The following SP4 variants were observed in gnomAD, a reference collection of about 807,000 sequenced individuals.
SP4 encodes transcription factor Sp4.
A neutral mutation model predicts 72.8 loss-of-function variants in SP4; 19 were observed. The ratio of observed to expected loss-of-function variants is 0.26; its 90% confidence interval spans 0.18 to 0.38. The LOEUF (loss-of-function observed/expected upper bound fraction) is 0.38, where lower values mean the gene tolerates loss of function less well. Among genes scored for constraint, SP4 ranks in the 10% least tolerant of loss-of-function variants. The probability of loss-of-function intolerance (pLI) is 1.00; values close to 1 mark genes in which losing one functional copy is unlikely to be tolerated. For synonymous variants in SP4, 395 were observed against 333.1 expected, an observed-to-expected ratio of 1.19 and a Z score of -2.02; for missense variants, 1,008 against 926.3, an observed-to-expected ratio of 1.09 and a Z score of -1.14.
At chr7:21,451,614 C>G (rs995566529) in intron 3 of SP4, among the ~76,000 whole-genome samples, 1 of 152,046 alleles carries the variant, frequency 6.6e-6, no homozygotes, top group Admixed American at 6.6e-5. Context: ...CAGCCAGGTC[C>G]AAGGGAGACA....
chr7:21,440,886 A>ACAG (rs376155260), intron 3 of SP4, among the ~76,000 whole-genome samples: 3 of 16,914 alleles, frequency 1.8e-4, no homozygotes, highest in Admixed American at 6.3e-4. Flanking sequence ...AACAACAACA[A>ACAG]CAGCAGCAAA....
intron 5 of SP4, chr7:21,482,491 C>G (rs1359340867): frequency 1.3e-5 from 3 of 226,600 alleles, no homozygotes; most frequent in Admixed American, 6.7e-5. Context: ...TTTTTTTTTT[C>G]TTAACAAATC....
intron 3 of SP4, among the ~76,000 whole-genome samples, chr7:21,433,149 T>G (rs1782921554): frequency 6.6e-6 from 1 of 152,174 alleles, no homozygotes; most frequent in Non-Finnish European, 1.5e-5. Context: ...AGTTTTTATT[T>G]CACAAGTGTG....
intron 5 of SP4, 62 bp downstream of exon 5, chr7:21,482,185 A>G (rs1262139673): frequency 3.7e-6 from 5 of 1,344,420 alleles, no homozygotes; most frequent in African/African-American, 2.9e-5. Flanking sequence ...TGAAAATTTT[A>G]GTGATAGTTT....
chr7:21,444,168 C>T (rs1783348247), intron 3 of SP4, among the ~76,000 whole-genome samples: 1 of 152,196 alleles, frequency 6.6e-6, no homozygotes, highest in Admixed American at 6.5e-5. Context: ...AGTAAATACT[C>T]AGCATCTGTA....
chr7:21,510,922 T>C, intron 5 of SP4, 100 bp from the exon 6 acceptor site: 1 of 1,194,036 alleles, frequency 8.4e-7, no homozygotes, highest in Non-Finnish European at 1.2e-6. Flanking sequence ...AGTGAAACTG[T>C]ACAAAAAGTC....
chr7:21,430,265 C>A lies in SP4; in HGVS notation c.1100C>A (p.Ala367Asp). The A allele has an allele frequency of 6.2e-7, 1 of 1,614,252 alleles. No individual in the cohort carries two copies. The highest frequency in any genetic ancestry group is 8.5e-7 in the Non-Finnish European group (1 of 1,180,052). The change falls in exon 3 of 6, where the codon GCT becomes GAT. Residue 367 changes from alanine (A) to aspartate (D), a missense_variant. By Grantham distance (126) the Ala-to-Asp change is moderately radical (BLOSUM62 -2). Around this residue, in one of 3 missense-constraint regions of SP4, gnomAD observed 893 missense variants for 743.3 expected, o/e 1.20. Coordinates refer to ENST00000222584, the MANE Select transcript of SP4 (RefSeq NM_003112.5). ...ATTGAAGAATCTCAAACACCTGCTG[C>A]TACTGAGTCTGAAGCCCAGAGCTCC... ...RTIEESQTPA[A>D]TESEAQSSSQ...
At chr7:21,501,269 C>T (rs1046054006) in intron 5 of SP4, among the ~76,000 whole-genome samples, 1 of 151,902 alleles carries the variant, frequency 6.6e-6, no homozygotes, top group African/African-American at 2.4e-5. Context: ...TTGTTACATC[C>T]GCAGGCTGGT....
intron 5 of SP4, among the ~76,000 whole-genome samples, chr7:21,510,160 A>G (rs950283066): frequency 2.6e-5 from 4 of 152,196 alleles, no homozygotes; most frequent in African/African-American, 9.7e-5. Flanking sequence ...GATTTGGATG[A>G]GGACACAGAG....
chr7:21,430,169 G>A lies in SP4; in HGVS notation c.1004G>A (p.Ser335Asn), dbSNP rs764081727. Residue 335 changes from serine (S) to asparagine (N), a missense_variant, in exon 3 of 6, where the codon AGT (serine) becomes AAT (asparagine). Ser to Asn is a conservative substitution (Grantham distance 46). Transcript: ENST00000222584. ...TTTASTSLTSSDTLVSSADTG... is the reference protein window; with the variant it reads ...TTTASTSLTSNDTLVSSADTG... ...ACTGCTTCAACGTCTTTGACAAGCAGTGACACATTAGTGAGCTCAGCAGAT... is the reference window on the plus strand; with the variant it reads ...ACTGCTTCAACGTCTTTGACAAGCAATGACACATTAGTGAGCTCAGCAGAT... The A allele has an allele frequency of 1.9e-6, 3 of 1,614,096 alleles. No homozygotes were observed. Among genetic ancestry groups the A allele is most frequent in the Non-Finnish European group, 2.5e-6 (3 of 1,180,044 alleles).
At chr7:21,487,759 ATGATGGTGGTGGTGGTGG>A (rs1397165345) in intron 5 of SP4, among the ~76,000 whole-genome samples, 6 of 132,770 alleles carry the variant, frequency 4.5e-5, no homozygotes, top group African/African-American at 9.0e-5. Context: ...GATGATGATG[ATGATGGTGGTGGTGGTGG>A]TGGTGGTGGT....
chr7:21,488,639 A>G (rs1049391696), intron 5 of SP4, among the ~76,000 whole-genome samples: 19 of 152,072 alleles, frequency 1.2e-4, no homozygotes, highest in Admixed American at 1.2e-3. Context: ...GCACACCTAT[A>G]GTCCCAGCTA....
At chr7:21,463,222 G>A (rs1414038648) in intron 3 of SP4, among the ~76,000 whole-genome samples, 2 of 152,046 alleles carry the variant, frequency 1.3e-5, no homozygotes, top group Non-Finnish European at 2.9e-5. Context: ...TGACTTCTCA[G>A]TAAATTAGGA....
In SP4 at chr7:21,429,376, C is replaced by G; in HGVS notation, c.211C>G (p.Gln71Glu). Residue 71 changes from glutamine (Q) to glutamate (E), a missense_variant, in exon 3 of 6, where the codon CAA (glutamine) becomes GAA (glutamate). This residue lies in a region of SP4 where 893 missense variants were observed against 743.3 expected (regional missense o/e 1.20). Coordinates refer to ENST00000222584, the MANE Select transcript of SP4 (RefSeq NM_003112.5). ...TGAAAATCAAGCAACTGGACAACAA[C>G]AAATTATTATAGATCCAAGTCAAGG... is the stretch of plus-strand genomic sequence containing the variant. ...PGENQATGQQ[Q>E]IIIDPSQGLV... The G allele has an allele frequency of 6.2e-7, 1 of 1,613,884 alleles. No homozygotes were observed. Among genetic ancestry groups the G allele is most frequent in the Non-Finnish European group, 8.5e-7 (1 of 1,179,920 alleles).
At chr7:21,442,629 C>G (rs960682688) in intron 3 of SP4, among the ~76,000 whole-genome samples, 1 of 152,104 alleles carries the variant, frequency 6.6e-6, no homozygotes, top group Admixed American at 6.5e-5. Context: ...ATAACTGGAG[C>G]TGAGACTCAA....
chr7:21,428,182 C>A lies in SP4; in HGVS notation c.-70C>A. The A allele has an allele frequency of 1.4e-5, 9 of 642,264 alleles. No homozygotes were observed. Among genetic ancestry groups the A allele is most frequent in the East Asian group, 7.1e-5 (2 of 28,128 alleles). 39.8% of individuals were successfully genotyped at this position (642,264 alleles called of 1,614,324 possible). A position where few individuals can be genotyped will look rare whatever the true frequency, so the allele number is the denominator to read the frequency against. ...GGCGGGCGGGACCGGCCTCTCCTCCCGCCTCGCCCCCACCCCCACCCACCT... is the reference window on the plus strand; with the variant it reads ...GGCGGGCGGGACCGGCCTCTCCTCCAGCCTCGCCCCCACCCCCACCCACCT... On this transcript the variant is annotated 5_prime_UTR_variant, in exon 1 of 6. Transcript: ENST00000222584.
chr7:21,458,839 C>T (rs1013909989), intron 3 of SP4, among the ~76,000 whole-genome samples: 1 of 152,072 alleles, frequency 6.6e-6, no homozygotes, highest in Non-Finnish European at 1.5e-5. Flanking sequence ...TTCATTTACA[C>T]TTGAATGTAG....
chr7:21,431,895 C>G (rs558267963), intron 3 of SP4, among the ~76,000 whole-genome samples: 1 of 152,116 alleles, frequency 6.6e-6, no homozygotes, highest in African/African-American at 2.4e-5. Context: ...AGAAAAATTA[C>G]GCTAGGGTTC....
intron 3 of SP4, among the ~76,000 whole-genome samples, chr7:21,443,407 G>T (rs1388637906): frequency 6.6e-6 from 1 of 152,208 alleles, no homozygotes; most frequent in Non-Finnish European, 1.5e-5. Context: ...TTGGTAGACA[G>T]TTGAAGGTAA....
Sources: gnomAD v4.1 joint callset for allele counts (sites outside exome capture counted in the v4.1 genomes callset) on GRCh38, gnomAD v4.1.1 for gene constraint, gnomAD v4.1.1 regional missense constraint, MANE v1.5 for transcripts, NCBI Gene and HGNC (gene_info 2026-07-23, HGNC 2026-07-21) for gene names.